Variants in DAPP1 observed in about 807,000 individuals in gnomAD.
DAPP1 encodes dual adapter for phosphotyrosine and 3-phosphotyrosine and 3-phosphoinositide.
A neutral mutation model predicts 41.5 loss-of-function variants in DAPP1; 20 were observed. The observed-to-expected ratio is 0.48, with a 90% confidence interval of 0.34 to 0.70. The LOEUF is 0.70. Among genes scored for constraint, DAPP1 ranks in the 30% least tolerant of loss-of-function variants. DAPP1 has a pLI of 0.01. For missense variants in DAPP1, 233 were observed against 333.4 expected (o/e 0.70, Z 2.35); for synonymous variants, 113 against 116.2 (o/e 0.97, Z 0.18).
chr4:99,863,041 G>A lies in DAPP1; in HGVS notation c.569G>A (p.Arg190Lys). 1 of 1,590,756 alleles carries A rather than the reference G, an allele frequency of 6.3e-7. No homozygotes were observed. Among genetic ancestry groups the A allele is most frequent in the Non-Finnish European group, 8.5e-7 (1 of 1,172,410 alleles). The change falls in exon 6 of 9, where the codon AGG becomes AAG. Residue 190 changes from arginine to lysine, a missense_variant. Coordinates refer to ENST00000512369, the MANE Select transcript of DAPP1 (RefSeq NM_014395.3). ...AAAACAAGATGGTTTACTCTGCACA[G>A]GAATGAACTGAAATACTTCAAAGAC... ...TWKTRWFTLH[R>K]NELKYFKDQM...
At chr4:99,842,695 A>T (rs774166592) in intron 3 of DAPP1, among the ~76,000 whole-genome samples, 1 of 152,236 alleles carries the variant, frequency 6.6e-6, no homozygotes, top group African/African-American at 2.4e-5. Flanking sequence ...CAGACTATAA[A>T]GAATGGTGAA....
intron 8 of DAPP1, 29 bp from the exon 9 acceptor site, chr4:99,868,088 T>C (rs1227154024): frequency 8.2e-6 from 13 of 1,585,666 alleles, no homozygotes; most frequent in African/African-American, 1.3e-5. Context: ...CACTCAATAA[T>C]GGATACACGT....
chr4:99,820,906 T>C (rs1422423080), intron 1 of DAPP1, among the ~76,000 whole-genome samples: 1 of 152,268 alleles, frequency 6.6e-6, no homozygotes, highest in Non-Finnish European at 1.5e-5. Flanking sequence ...ACAGCCATTC[T>C]TGGCTCCCAG....
chr4:99,846,593 T>C (rs1723671489), intron 3 of DAPP1, among the ~76,000 whole-genome samples: 1 of 152,264 alleles, frequency 6.6e-6, no homozygotes, highest in Non-Finnish European at 1.5e-5. Flanking sequence ...ATGCAAAAGC[T>C]GTACGTTCTT....
At chr4:99,837,092 G>T (rs771439523) in intron 2 of DAPP1, among the ~76,000 whole-genome samples, 1 of 152,240 alleles carries the variant, frequency 6.6e-6, no homozygotes, top group Non-Finnish European at 1.5e-5. Context: ...TTGCATGCCA[G>T]CCAGAACACA....
chr4:99,863,505 A>C (rs1724312132), intron 6 of DAPP1, among the ~76,000 whole-genome samples: 1 of 152,148 alleles, frequency 6.6e-6, no homozygotes, highest in Admixed American at 6.6e-5. Flanking sequence ...ATGAGAGAAA[A>C]ATATACCTCT....
chr4:99,868,474 A>G lies in DAPP1; in HGVS notation c.*289A>G, dbSNP rs1724539050. 5 of 349,190 alleles carry G rather than the reference A, an allele frequency of 1.4e-5. No homozygotes were observed. Among genetic ancestry groups the G allele is most frequent in the Non-Finnish European group, 2.7e-5 (5 of 186,858 alleles). The allele number at this position is 349,190 out of a possible 1,614,324, so 21.6% of individuals were successfully genotyped here. Reference sequence around the variant, plus strand: ...TCTTAGAACACACAATGGAAGAGGAAGGGTTTTTGTTTTCACTCATTGTGG... The same window carrying G: ...TCTTAGAACACACAATGGAAGAGGAGGGGTTTTTGTTTTCACTCATTGTGG... On this transcript the variant is annotated 3_prime_UTR_variant, in exon 9 of 9. Coordinates refer to ENST00000512369, the MANE Select transcript of DAPP1 (RefSeq NM_014395.3).
In DAPP1 at chr4:99,853,344, C is replaced by G; in HGVS notation, c.485C>G (p.Pro162Arg). 1 of 1,607,506 alleles carries G rather than the reference C, an allele frequency of 6.2e-7. No homozygotes were observed. Among genetic ancestry groups the G allele is most frequent in the Non-Finnish European group, 8.5e-7 (1 of 1,176,622 alleles). ...RTEDDLVPTA[P>R]SLGTKEGYLT... ...GAAGATGACCTTGTGCCCACAGCAC[C>G]TTCTGTAAGTGACCTTCAACGTGAC... Residue 162 changes from proline to arginine, a missense_variant, in exon 4 of 9, where the codon CCT becomes CGT. Transcript: ENST00000512369.
Position 99,868,366 on chromosome 4 carries a change from G to A in DAPP1, c.*181G>A. 1.6e-6 allele frequency: 1 copy of A among 610,006 alleles called. No homozygotes were observed. Among genetic ancestry groups the A allele is most frequent in the Non-Finnish European group, 2.9e-6 (1 of 343,596 alleles). The allele number at this position is 610,006 out of a possible 1,614,324, so 37.8% of individuals were successfully genotyped here. A position where few individuals can be genotyped will look rare whatever the true frequency, so the allele number is the denominator to read the frequency against. ...CTGACTCACGTTGCTGCCCTTCCATGATGTTGCCATCTCCTTGAGAACACT... is the reference window on the plus strand; with the variant it reads ...CTGACTCACGTTGCTGCCCTTCCATAATGTTGCCATCTCCTTGAGAACACT... On this transcript the variant is annotated 3_prime_UTR_variant, in exon 9 of 9. Transcript: ENST00000512369.
chr4:99,866,749 A>G, intron 8 of DAPP1: 1 of 494,298 alleles, frequency 2.0e-6, no homozygotes, highest in South Asian at 2.8e-5. Context: ...AAAAACTTTG[A>G]TGATTTCTTT....
chr4:99,826,225 T>A (rs1722931961), intron 1 of DAPP1, among the ~76,000 whole-genome samples: 1 of 152,076 alleles, frequency 6.6e-6, no homozygotes, highest in Non-Finnish European at 1.5e-5. Context: ...AGAGAAGGGG[T>A]GTGGCACATA....
intron 3 of DAPP1, among the ~76,000 whole-genome samples, chr4:99,842,139 T>A (rs535513887): frequency 6.6e-6 from 1 of 152,338 alleles, no homozygotes; most frequent in Admixed American, 6.5e-5. Context: ...TAAAGATGTT[T>A]TGATATTGCA....
At chr4:99,824,476 G>A (rs1266906981) in intron 1 of DAPP1, among the ~76,000 whole-genome samples, 82 of 152,242 alleles carry the variant, frequency 5.4e-4, no homozygotes, top group Admixed American at 5.0e-3. Flanking sequence ...TAGAGGTATC[G>A]CCTAAACCAT....
intron 1 of DAPP1, among the ~76,000 whole-genome samples, chr4:99,826,521 T>G (rs1722942316): frequency 6.6e-6 from 1 of 152,230 alleles, no homozygotes; most frequent in South Asian, 2.1e-4. Flanking sequence ...AATATGTGAA[T>G]AATCTGTAGA....
intron 3 of DAPP1, 116 bp from the exon 4 acceptor site, chr4:99,853,102 G>A (rs569320911): frequency 2.2e-5 from 26 of 1,159,412 alleles, no homozygotes; most frequent in South Asian, 4.6e-5. Flanking sequence ...GATAATGAGC[G>A]AGGGAATACA....
chr4:99,851,319 A>C (rs1475321196), intron 3 of DAPP1, among the ~76,000 whole-genome samples: 2 of 152,092 alleles, frequency 1.3e-5, no homozygotes, highest in Admixed American at 6.5e-5. Flanking sequence ...TGTGATCCCA[A>C]TGCTGCAATG....
intron 3 of DAPP1, among the ~76,000 whole-genome samples, chr4:99,849,992 G>A (rs1013066482): frequency 1.3e-5 from 2 of 152,224 alleles, no homozygotes; most frequent in African/African-American, 4.8e-5. Context: ...GCCTCCACTA[G>A]GAAAGCAGCC....
chr4:99,831,608 T>C (rs956942902), intron 1 of DAPP1, among the ~76,000 whole-genome samples: 9 of 152,198 alleles, frequency 5.9e-5, no homozygotes, highest in Admixed American at 5.9e-4. Flanking sequence ...CTTCTGCTCA[T>C]GTATGGGTGT....
At chr4:99,837,696 C>T (rs899524413) in intron 2 of DAPP1, among the ~76,000 whole-genome samples, 17 of 152,128 alleles carry the variant, frequency 1.1e-4, no homozygotes, top group African/African-American at 4.1e-4. Flanking sequence ...CAGACCGGAG[C>T]AGCGGCAGAT....
Sources: gnomAD v4.1 joint callset for allele counts (sites outside exome capture counted in the v4.1 genomes callset) on GRCh38, gnomAD v4.1.1 for gene constraint, MANE v1.5 for transcripts, NCBI Gene and HGNC (gene_info 2026-07-23, HGNC 2026-07-21) for gene names.